Variants in CD99L2 observed in about 807,000 individuals in gnomAD.
CD99L2 encodes the protein CD99 antigen-like protein 2.
Under a neutral mutation model 27.3 loss-of-function variants are expected in CD99L2, and 24 were observed. The ratio of observed to expected loss-of-function variants is 0.88; its 90% confidence interval spans 0.64 to 1.24. The LOEUF is 1.24. CD99L2 is among the 50% of genes most tolerant of loss of function. The probability of loss-of-function intolerance (pLI) is 0.00; values close to 1 mark genes in which losing one functional copy is unlikely to be tolerated. For synonymous variants in CD99L2, 97 were observed against 87.9 expected (o/e 1.10, Z -0.58); for missense variants, 255 against 221.6 (o/e 1.15, Z -0.96).
intron 1 of CD99L2, among the ~76,000 whole-genome samples, chrX:150,886,754 T>A (rs1274032605): frequency 2.7e-5 from 3 of 111,909 alleles, no homozygotes; most frequent in Non-Finnish European, 5.6e-5. Flanking sequence ...AAGCCAAGGA[T>A]GCTGCTAAAC....
chrX:150,813,970 C>T (rs1452320564), intron 4 of CD99L2, among the ~76,000 whole-genome samples: 1 of 112,258 alleles, frequency 8.9e-6, no homozygotes, highest in African/African-American at 3.2e-5. Flanking sequence ...ACTTCAAAAA[C>T]ATCTTTTTCT....
intron 1 of CD99L2, among the ~76,000 whole-genome samples, chrX:150,867,011 G>T (rs1019314290): frequency 9.0e-6 from 1 of 110,974 alleles, no homozygotes; most frequent in African/African-American, 3.3e-5. Flanking sequence ...TCATCAGCCT[G>T]TTTTTTTTGT....
intron 1 of CD99L2, among the ~76,000 whole-genome samples, chrX:150,895,434 T>C (rs1208005528): frequency 9.0e-6 from 1 of 111,693 alleles, no homozygotes; most frequent in Non-Finnish European, 1.9e-5. Flanking sequence ...AGCCTCTACT[T>C]GCTACTTGCT....
At position 150,795,501 on chromosome X, in the gene CD99L2, G is replaced by C. The variant is rs1292099789; in HGVS notation, c.278-15C>G. The C allele has an allele frequency of 2.5e-6, 3 of 1,208,290 alleles. No homozygotes were observed. Among genetic ancestry groups the C allele is most frequent in the African/African-American group, 3.5e-5 (2 of 57,650 alleles). Reference sequence around the variant, plus strand: ...GTTCCATCTCTCTAAAAGGGGAAGGGAGGACAGCAAAGGGAGCACATTTAG... The same window carrying C: ...GTTCCATCTCTCTAAAAGGGGAAGGCAGGACAGCAAAGGGAGCACATTTAG... On this transcript the variant is annotated splice_polypyrimidine_tract_variant and intron_variant, in intron 4 of 10. Coordinates refer to ENST00000370377, the MANE Select transcript of CD99L2 (RefSeq NM_031462.4).
chrX:150,783,692 T>C (rs1013244811), intron 7 of CD99L2, among the ~76,000 whole-genome samples: 2 of 112,411 alleles, frequency 1.8e-5, no homozygotes, highest in Non-Finnish European at 3.8e-5. Flanking sequence ...ACAGTAGTTA[T>C]GAACAAGCAG....
intron 1 of CD99L2, among the ~76,000 whole-genome samples, chrX:150,894,668 A>G (rs782667753): frequency 9.1e-6 from 1 of 109,832 alleles, no homozygotes; most frequent in South Asian, 4.0e-4. Flanking sequence ...GCTCATTGCA[A>G]CCTCTGCCTC....
chrX:150,824,055 GGAGGAGGAA>G (rs200188455), intron 2 of CD99L2, among the ~76,000 whole-genome samples: 1 of 93,418 alleles, frequency 1.1e-5, no homozygotes, highest in African/African-American at 4.3e-5. Flanking sequence ...AAGAAGAAGA[GGAGGAGGAA>G]GAGGAGGAGG....
intron 1 of CD99L2, 140 bp from the exon 2 acceptor site, chrX:150,831,433 T>C (rs2046443008): frequency 1.3e-5 from 6 of 478,788 alleles, no homozygotes; most frequent in Non-Finnish European, 2.0e-5. Flanking sequence ...CCAAAGTGAG[T>C]GGTGGTAGCT....
intron 7 of CD99L2, among the ~76,000 whole-genome samples, chrX:150,782,879 A>AT (rs2045534991): frequency 9.0e-6 from 1 of 111,002 alleles, no homozygotes. Flanking sequence ...CATTTAGTCC[A>AT]TAACAGAAAG....
At chrX:150,864,291 A>G (rs1557421979) in intron 1 of CD99L2, among the ~76,000 whole-genome samples, 1 of 112,461 alleles carries the variant, frequency 8.9e-6, no homozygotes, top group Non-Finnish European at 1.9e-5. Flanking sequence ...CTCCCAGGCC[A>G]GAAGATAACA....
At chrX:150,780,606 C>G (rs781822922) in intron 7 of CD99L2, among the ~76,000 whole-genome samples, 8 of 110,737 alleles carry the variant, frequency 7.2e-5, no homozygotes, top group African/African-American at 2.6e-4. Flanking sequence ...TTCCTAATCT[C>G]TAATGTAAAA....
intron 1 of CD99L2, among the ~76,000 whole-genome samples, chrX:150,882,196 C>A (rs2047340794): frequency 9.0e-6 from 1 of 111,220 alleles, no homozygotes. Flanking sequence ...GGGAAAAGAC[C>A]AAGGCCATTA....
At chrX:150,896,779 C>T (rs2047618258) in intron 1 of CD99L2, among the ~76,000 whole-genome samples, 1 of 112,428 alleles carries the variant, frequency 8.9e-6, no homozygotes, top group Non-Finnish European at 1.9e-5. Context: ...ATGCCTAGGG[C>T]TTAAAGGCAG....
At chrX:150,789,034 ATTC>A (rs1345001739) in intron 7 of CD99L2, among the ~76,000 whole-genome samples, 1 of 110,760 alleles carries the variant, frequency 9.0e-6, no homozygotes, top group Non-Finnish European at 1.9e-5. Flanking sequence ...CCTATTTTAT[ATTC>A]TTCTTTGGTG....
intron 1 of CD99L2, among the ~76,000 whole-genome samples, chrX:150,889,077 T>C (rs887992362): frequency 1.8e-5 from 2 of 112,897 alleles, no homozygotes; most frequent in South Asian, 7.2e-4. Context: ...ACAGCAATAA[T>C]GGAATCCTTG....
In CD99L2 at chrX:150,768,820, C is replaced by G; in HGVS notation, c.*214G>C. 1 of 877,943 alleles carries G rather than the reference C, an allele frequency of 1.1e-6. No individual in the cohort carries two copies. Among genetic ancestry groups the G allele is most frequent in the Non-Finnish European group, 1.4e-6 (1 of 690,506 alleles). The allele number at this position is 877,943 out of a possible 1,213,427, so 72.4% of individuals were successfully genotyped here. Reference sequence around the variant, plus strand: ...GGCTGGTGCTGGCTTTCTATCAGAGCTGGCTCTTGAATTTCGGCACCAAGT... The same window carrying G: ...GGCTGGTGCTGGCTTTCTATCAGAGGTGGCTCTTGAATTTCGGCACCAAGT... On this transcript the variant is annotated 3_prime_UTR_variant, in exon 11 of 11. Transcript: ENST00000370377.
intron 1 of CD99L2, among the ~76,000 whole-genome samples, chrX:150,863,567 C>T (rs2047011986): frequency 9.0e-6 from 1 of 111,118 alleles, no homozygotes; most frequent in African/African-American, 3.3e-5. Flanking sequence ...CATGAGCAGC[C>T]TTTCTTTTGG....
chrX:150,883,427 A>G lies in CD99L2; in HGVS notation c.67+15095T>C, dbSNP rs151302838. On this transcript the variant is annotated intron_variant, in intron 1 of 10. Transcript: ENST00000370377. The stretch of plus-strand genomic sequence containing the variant: ...GTAACAGAAAATTCTTCTCATATTA[A>G]GCTGGGACCCCAACGTGTTACACCC... Among the ~76,000 whole-genome samples the G allele has an allele frequency of 8.2e-3, 909 of 111,161 alleles. 10 individuals are homozygous for G. The highest frequency in any genetic ancestry group is 0.014 in the Middle Eastern group (3 of 218).
chrX:150,870,923 G>A (rs1176866601), intron 1 of CD99L2, among the ~76,000 whole-genome samples: 3 of 111,350 alleles, frequency 2.7e-5, no homozygotes, highest in African/African-American at 9.8e-5. Context: ...GGAGTGACGG[G>A]AGCACTCGCA....
Sources: gnomAD v4.1 joint callset for allele counts (sites outside exome capture counted in the v4.1 genomes callset) on GRCh38, gnomAD v4.1.1 for gene constraint, MANE v1.5 for transcripts, NCBI Gene and HGNC (gene_info 2026-07-23, HGNC 2026-07-21) for gene names.